Variants in NOS1AP observed in about 807,000 individuals in gnomAD.
NOS1AP encodes the protein nitric oxide synthase 1 adaptor protein.
NOS1AP carries 21 observed loss-of-function variants against 56.2 expected under a neutral mutation model. The observed-to-expected ratio is 0.37, with a 90% CI of 0.26 to 0.54. NOS1AP has a LOEUF of 0.54. Among genes scored for constraint, NOS1AP ranks in the 20% least tolerant of loss-of-function variants. The pLI is 0.84. For missense variants in NOS1AP, 522 were observed against 657.8 expected (o/e 0.79, Z 2.26); for synonymous variants, 270 against 274.6 (o/e 0.98, Z 0.17).
At chr1:162,131,593 A>G (rs1426545873) in intron 1 of NOS1AP, among the ~76,000 whole-genome samples, 4 of 151,938 alleles carry the variant, frequency 2.6e-5, no homozygotes, top group African/African-American at 9.7e-5. Context: ...CCAAAGTGCA[A>G]TGTCCTTGCA....
chr1:162,289,560 C>T (rs1407768890), intron 3 of NOS1AP, among the ~76,000 whole-genome samples: 2 of 147,832 alleles, frequency 1.4e-5, no homozygotes, highest in African/African-American at 2.5e-5. Context: ...CTGCAAGCTC[C>T]GCCTCCCGGG....
chr1:162,071,858 C>G (rs551180816), intron 1 of NOS1AP, among the ~76,000 whole-genome samples: 4 of 152,186 alleles, frequency 2.6e-5, no homozygotes, highest in African/African-American at 9.6e-5. Flanking sequence ...TTCAGCAGTA[C>G]CCTATTTTAC....
At chr1:162,359,238 G>T (rs1199618467) in intron 8 of NOS1AP, among the ~76,000 whole-genome samples, 1 of 152,176 alleles carries the variant, frequency 6.6e-6, no homozygotes, top group African/African-American at 2.4e-5. Context: ...AATACAAGCA[G>T]TGTGGTGATC....
chr1:162,266,703 G>C (rs1310276435), intron 2 of NOS1AP, among the ~76,000 whole-genome samples: 1 of 152,198 alleles, frequency 6.6e-6, no homozygotes, highest in Non-Finnish European at 1.5e-5. Flanking sequence ...TGCTAGAATA[G>C]TTCTGAATTG....
At chr1:162,131,762 T>C (rs1346390954) in intron 1 of NOS1AP, among the ~76,000 whole-genome samples, 1 of 151,558 alleles carries the variant, frequency 6.6e-6, no homozygotes, top group Non-Finnish European at 1.5e-5. Flanking sequence ...GTTGGGAGGA[T>C]GTGATTAAGA....
chr1:162,081,755 G>GATAC lies in NOS1AP; in HGVS notation c.105+11476_105+11477insCATA, dbSNP rs1218347698. Among the ~76,000 whole-genome samples, 26 of 71,592 alleles carry GATAC rather than the reference G, an allele frequency of 3.6e-4. 4 individuals carry two copies. Among genetic ancestry groups the GATAC allele is most frequent in the African/African-American group, 1.2e-3 (24 of 19,792 alleles). The allele number at this position is 71,592 out of a possible 152,430, so 47.0% of individuals were successfully genotyped here. ...CTATATATCTATATCTATATCTATAGATATATATATATATATATATTTTTT... is the reference window on the plus strand; with the variant it reads ...CTATATATCTATATCTATATCTATAGATACATATATATATATATATATATTTTTT... On this transcript the variant is annotated intron_variant, in intron 1 of 9. Transcript: ENST00000361897.
chr1:162,367,637 A>C lies in NOS1AP; in HGVS notation c.*170A>C. ...ATTGAGATTCTGCTTTGGAGGGTAA[A>C]GTGGGGAAGAAATCGGATTCCCAGA... On this transcript the variant is annotated 3_prime_UTR_variant, in exon 10 of 10. Coordinates refer to ENST00000361897, the MANE Select transcript of NOS1AP (RefSeq NM_014697.3). This position sits in a 1 kb window ranked among gnomAD's most constrained non-coding sequence, Gnocchi z 6.5. 1.3e-6 allele frequency: 1 copy of C among 751,984 alleles called. No homozygotes were observed. Among genetic ancestry groups the C allele is most frequent in the Non-Finnish European group, 2.1e-6 (1 of 477,028 alleles). 46.6% of individuals were successfully genotyped at this position (751,984 alleles called of 1,614,324 possible). A position where few individuals can be genotyped will look rare whatever the true frequency, so the allele number is the denominator to read the frequency against.
At chr1:162,165,353 C>G (rs1650436544) in intron 2 of NOS1AP, among the ~76,000 whole-genome samples, 1 of 152,142 alleles carries the variant, frequency 6.6e-6, no homozygotes, top group African/African-American at 2.4e-5. Context: ...AAACTAATTA[C>G]ATTGTTGTTC....
At chr1:162,310,818 G>C (rs1656002044) in intron 4 of NOS1AP, among the ~76,000 whole-genome samples, 1 of 151,978 alleles carries the variant, frequency 6.6e-6, no homozygotes, top group Admixed American at 6.6e-5. Flanking sequence ...ACACCTCTCT[G>C]AGATTCCTCA....
chr1:162,346,760 G>A (rs1657308025), intron 6 of NOS1AP, among the ~76,000 whole-genome samples: 1 of 152,192 alleles, frequency 6.6e-6, no homozygotes, highest in Admixed American at 6.5e-5. Flanking sequence ...CAGTTTCTAT[G>A]TGACTAGAGG....
intron 8 of NOS1AP, 155 bp downstream of exon 8, chr1:162,357,291 G>A (rs916514117): frequency 1.7e-5 from 24 of 1,372,216 alleles, no homozygotes; most frequent in Admixed American, 1.0e-4. Context: ...TGGGGGCAGC[G>A]GGAGGGGGAT....
At chr1:162,093,764 G>C (rs1409073006) in intron 1 of NOS1AP, among the ~76,000 whole-genome samples, 5 of 152,018 alleles carry the variant, frequency 3.3e-5, no homozygotes, top group Non-Finnish European at 5.9e-5. Flanking sequence ...TATTGCCCAG[G>C]CTGGTCTTGA....
At chr1:162,268,458 G>T (rs913664791) in intron 2 of NOS1AP, among the ~76,000 whole-genome samples, 1 of 152,106 alleles carries the variant, frequency 6.6e-6, no homozygotes, top group East Asian at 1.9e-4. Flanking sequence ...TTATAACAAA[G>T]CTCACTCATC....
intron 1 of NOS1AP, among the ~76,000 whole-genome samples, chr1:162,152,719 A>G (rs1034133532): frequency 2.6e-4 from 39 of 151,464 alleles, no homozygotes; most frequent in African/African-American, 8.9e-4. Context: ...GTGTATTAGC[A>G]CAAACTGTTG....
chr1:162,169,880 C>A (rs1266019369), intron 2 of NOS1AP, among the ~76,000 whole-genome samples: 1 of 152,210 alleles, frequency 6.6e-6, no homozygotes, highest in African/African-American at 2.4e-5. Context: ...GAATTTCTTA[C>A]AATCTTCCCA....
At chr1:162,356,808 C>T (rs1657718489) in intron 7 of NOS1AP, 152 bp from the exon 8 acceptor site, 1 of 1,547,642 alleles carries the variant, frequency 6.5e-7, no homozygotes, top group Non-Finnish European at 8.8e-7. Flanking sequence ...CTTTCTGGGC[C>T]TCTACTCCCA....
intron 6 of NOS1AP, among the ~76,000 whole-genome samples, chr1:162,350,652 C>T (rs1187972336): frequency 1.3e-5 from 2 of 152,178 alleles, no homozygotes; most frequent in South Asian, 2.1e-4. Flanking sequence ...GAAAATAAAA[C>T]TTTTTTTATT....
In NOS1AP at chr1:162,093,827, A is replaced by G. The variant is rs142167110; in HGVS notation, c.105+23545A>G. On this transcript the variant is annotated intron_variant, in intron 1 of 9. Coordinates refer to ENST00000361897, the MANE Select transcript of NOS1AP (RefSeq NM_014697.3). Reference sequence around the variant, plus strand: ...TTTGGCCTCCCAAAGTGTTGGGATTACAGGCATGAGCCACTGTGCCTGGCC... The same window carrying G: ...TTTGGCCTCCCAAAGTGTTGGGATTGCAGGCATGAGCCACTGTGCCTGGCC... Among the ~76,000 whole-genome samples the G allele has an allele frequency of 8.9e-4, 135 of 152,324 alleles. 2 individuals are homozygous for G. The East Asian group carries it at 0.022, about 25-fold the overall frequency.
chr1:162,109,862 C>A (rs1647649111), intron 1 of NOS1AP, among the ~76,000 whole-genome samples: 2 of 152,034 alleles, frequency 1.3e-5, no homozygotes, highest in African/African-American at 4.8e-5. Flanking sequence ...AGTTTGCATC[C>A]CAGGGAGACC....
Sources: gnomAD v4.1 joint callset for allele counts (sites outside exome capture counted in the v4.1 genomes callset) on GRCh38, gnomAD v4.1.1 for gene constraint, Gnocchi (gnomAD v3.1) non-coding constraint, MANE v1.5 for transcripts, NCBI Gene and HGNC (gene_info 2026-07-23, HGNC 2026-07-21) for gene names.